Variants in DNM2 observed in about 807,000 individuals in gnomAD.
DNM2 encodes dynamin 2.
DNM2 carries 15 observed loss-of-function variants against 99.0 expected under a neutral mutation model. The observed-to-expected ratio is 0.15, with a 90% CI of 0.10 to 0.23. DNM2 has a LOEUF of 0.23. DNM2 is among the 10% of genes least tolerant of loss of function. The pLI, the probability that DNM2 is intolerant of heterozygous loss-of-function variation, is 1.00. For synonymous variants in DNM2, 525 were observed against 481.2 expected (o/e 1.09, Z -1.19); for missense variants, 742 against 1,189.4 (o/e 0.62, Z 5.53).
chr19:10,801,225 G>A (rs2072128510), intron 11 of DNM2, among the ~76,000 whole-genome samples: 1 of 152,098 alleles, frequency 6.6e-6, no homozygotes, highest in Admixed American at 6.5e-5. Context: ...AGAATTGCTT[G>A]AACCCAGGAG....
intron 5 of DNM2, among the ~76,000 whole-genome samples, chr19:10,778,938 G>A (rs903927997): frequency 3.3e-5 from 5 of 151,782 alleles, no homozygotes; most frequent in African/African-American, 1.2e-4. Flanking sequence ...ATTTTGGGTC[G>A]GGCATGGTGA....
chr19:10,831,393 C>T lies in DNM2; in HGVS notation c.*346C>T. On this transcript the variant is annotated 3_prime_UTR_variant, in exon 21 of 21. Transcript: ENST00000389253. The surrounding 1 kb of genome is among the most constrained non-coding windows in gnomAD (Gnocchi z 4.3). ...AAGGTCTTCTTGGGCTGGGAAAGCC[C>T]ATGTAGGGCAGGCCTTCTATAAGTG... The T allele has an allele frequency of 2.8e-6, 3 of 1,070,844 alleles. No homozygotes were observed. The highest frequency in any genetic ancestry group is 2.3e-6 in the Non-Finnish European group (2 of 885,042). The allele number at this position is 1,070,844 out of a possible 1,614,324, so 66.3% of individuals were successfully genotyped here.
rs1007623668 is a variant in DNM2, at chr19:10,811,670, T to TGA, written c.1558-592_1558-591dup. On this transcript the variant is annotated intron_variant, in intron 14 of 20. Transcript: ENST00000389253. The surrounding 1 kb of genome is among the most constrained non-coding windows in gnomAD (Gnocchi z 5.4). ...AGGCTGCCTGCCGTTAGTTGTCAGGTGAGTCCCTGCGCAGGCCTGGGTTCT... is the reference window on the plus strand; with the variant it reads ...AGGCTGCCTGCCGTTAGTTGTCAGGTGAGAGTCCCTGCGCAGGCCTGGGTTCT... 2 of 512,032 alleles carry TGA rather than the reference T, an allele frequency of 3.9e-6. No homozygotes were observed. Among genetic ancestry groups the TGA allele is most frequent in the Non-Finnish European group, 7.8e-6 (2 of 257,200 alleles). The allele number at this position is 512,032 out of a possible 1,614,324, so 31.7% of individuals were successfully genotyped here.
chr19:10,759,337 A>G (rs1214865854), intron 1 of DNM2, among the ~76,000 whole-genome samples: 1 of 152,192 alleles, frequency 6.6e-6, no homozygotes, highest in East Asian at 1.9e-4. Context: ...GACATGAAAC[A>G]CATCCTATTT....
chr19:10,767,920 A>G (rs2070851832), intron 2 of DNM2, among the ~76,000 whole-genome samples: 1 of 151,582 alleles, frequency 6.6e-6, no homozygotes, highest in South Asian at 2.1e-4. Flanking sequence ...CAAACAAACA[A>G]AAAACCTCTG....
chr19:10,812,702 G>A lies in DNM2; in HGVS notation c.1671+325G>A, dbSNP rs147796686. Among the ~76,000 whole-genome samples, 2 of 152,132 alleles carry A rather than the reference G, an allele frequency of 1.3e-5. No individual in the cohort carries two copies. Among genetic ancestry groups the A allele is most frequent in the Admixed American group, 6.5e-5 (1 of 15,282 alleles). ...CTCAGGAGGCTGAGGCAGGAGAATC[G>A]TTTGAACCCGGGAGGCGGAGGTTGC... On this transcript the variant is annotated intron_variant, in intron 15 of 20. Coordinates refer to ENST00000389253, the MANE Select transcript of DNM2 (RefSeq NM_001005361.3). The surrounding 1 kb of genome is among the most constrained non-coding windows in gnomAD (Gnocchi z 4.0).
At chr19:10,791,313 C>G (rs2071744795) in intron 7 of DNM2, among the ~76,000 whole-genome samples, 1 of 152,092 alleles carries the variant, frequency 6.6e-6, no homozygotes, top group Non-Finnish European at 1.5e-5. Context: ...GTCTCAAACT[C>G]CTTAGCTCAA....
At chr19:10,746,122 C>G (rs2069957472) in intron 1 of DNM2, among the ~76,000 whole-genome samples, 1 of 152,068 alleles carries the variant, frequency 6.6e-6, no homozygotes, top group South Asian at 2.1e-4. Context: ...CCACACCCCA[C>G]TAATTTTTCT....
intron 16 of DNM2, among the ~76,000 whole-genome samples, chr19:10,821,107 G>C (rs1388934467): frequency 6.6e-6 from 1 of 151,994 alleles, no homozygotes; most frequent in East Asian, 1.9e-4. Context: ...CCTACTGCTT[G>C]GCTACACCCA....
Position 10,790,757 on chromosome 19 carries a change from C to T in DNM2, c.993-2963C>T, listed in dbSNP as rs140452556. Among the ~76,000 whole-genome samples, 40 of 152,256 alleles carry T rather than the reference C, an allele frequency of 2.6e-4. No homozygotes were observed. In the East Asian group the frequency reaches 6.9e-3, roughly 26 times the overall value. The stretch of plus-strand genomic sequence containing the variant: ...TGCTGGGATTACAGGCATGAGCCAC[C>T]ATGCCCGGACCTCATGTATTTGTTT... On this transcript the variant is annotated intron_variant, in intron 7 of 20. Transcript: ENST00000389253.
intron 7 of DNM2, 160 bp downstream of exon 7, chr19:10,786,866 C>T: frequency 1.4e-6 from 2 of 1,440,214 alleles, no homozygotes; most frequent in South Asian, 1.3e-5. Context: ...CTAAGCATGG[C>T]ATTCGCCCCA....
Position 10,813,706 on chromosome 19 carries a change from G to A in DNM2, c.1671+1329G>A, listed in dbSNP as rs374859610. Among the ~76,000 whole-genome samples, 11 of 151,722 alleles carry A rather than the reference G, an allele frequency of 7.3e-5. No individual in the cohort carries two copies. The East Asian group carries it at 9.7e-4, about 13-fold the overall frequency. ...CTGGGCATGGTGGTGCATACCTGTA[G>A]TCCCAGCTACTCAGGAGGCTGAGGT... On this transcript the variant is annotated intron_variant, in intron 15 of 20. Coordinates refer to ENST00000389253, the MANE Select transcript of DNM2 (RefSeq NM_001005361.3).
chr19:10,742,159 T>C (rs866818721), intron 1 of DNM2, among the ~76,000 whole-genome samples: 1 of 152,084 alleles, frequency 6.6e-6, no homozygotes, highest in Non-Finnish European at 1.5e-5. Context: ...GTTTTTCCCC[T>C]CCTGCCAGAG....
chr19:10,778,964 C>G (rs1472036906), intron 5 of DNM2, among the ~76,000 whole-genome samples: 1 of 151,652 alleles, frequency 6.6e-6, no homozygotes, highest in East Asian at 1.9e-4. Flanking sequence ...ACCTGTAATC[C>G]CAGCACTTTG....
At chr19:10,743,393 G>A (rs961524161) in intron 1 of DNM2, among the ~76,000 whole-genome samples, 3 of 151,886 alleles carry the variant, frequency 2.0e-5, no homozygotes, top group Admixed American at 1.3e-4. Context: ...AACATCATGC[G>A]GCCAGGCATG....
intron 5 of DNM2, among the ~76,000 whole-genome samples, chr19:10,782,637 C>T (rs987638276): frequency 2.6e-5 from 4 of 152,172 alleles, no homozygotes; most frequent in Non-Finnish European, 5.9e-5. Context: ...GGATTACAGG[C>T]GTGAGCCACC....
At chr19:10,798,432 G>A in intron 10 of DNM2, 54 bp from the exon 11 acceptor site, 3 of 1,535,262 alleles carry the variant, frequency 2.0e-6, no homozygotes, top group Non-Finnish European at 2.7e-6. Flanking sequence ...GGTTCATGTT[G>A]CTTCCCGTGC....
In DNM2 at chr19:10,797,453, A is replaced by T; in HGVS notation, c.1270A>T (p.Ser424Cys). Residue 424 changes from serine to cysteine, a missense_variant, in exon 10 of 21, where the codon AGT becomes TGT. Physicochemically the swap from Ser to Cys is moderately radical, Grantham distance 112. Around this residue, in one of 7 missense-constraint regions of DNM2, gnomAD observed 240 missense variants for 431.3 expected, o/e 0.56. Transcript: ENST00000389253. ...ACAGATTGTAAAACTCAAAGAGCCG[A>T]GTTTGAAGTGTGTTGATCTCGTGGT... ...KKQIVKLKEP[S>C]LKCVDLVVSE... 6.2e-7 allele frequency: 1 copy of T among 1,614,064 alleles called. No individual in the cohort carries two copies. Among genetic ancestry groups the T allele is most frequent in the Non-Finnish European group, 8.5e-7 (1 of 1,180,018 alleles).
chr19:10,820,972 A>G lies in DNM2; in HGVS notation c.1781+883A>G, dbSNP rs1314294786. ...GGAGGGCTCTTCCCATGCTCACACAATCACGCTCATCCAGGAAGCAGGGCC... is the reference window on the plus strand; with the variant it reads ...GGAGGGCTCTTCCCATGCTCACACAGTCACGCTCATCCAGGAAGCAGGGCC... On this transcript the variant is annotated intron_variant, in intron 16 of 20. Coordinates refer to ENST00000389253, the MANE Select transcript of DNM2 (RefSeq NM_001005361.3). The surrounding 1 kb of genome is among the most constrained non-coding windows in gnomAD (Gnocchi z 4.3). Among the ~76,000 whole-genome samples, 2 of 152,150 alleles carry G rather than the reference A, an allele frequency of 1.3e-5. No individual in the cohort carries two copies. Among genetic ancestry groups the G allele is most frequent in the African/African-American group, 4.8e-5 (2 of 41,438 alleles).
Sources: allele counts gnomAD v4.1 joint callset (sites outside exome capture counted in the v4.1 genomes callset), GRCh38; gene constraint gnomAD v4.1.1; regional missense constraint gnomAD v4.1.1; non-coding constraint Gnocchi (gnomAD v3.1); transcripts MANE v1.5; gene names NCBI Gene and HGNC (gene_info 2026-07-23, HGNC 2026-07-21).